DCDC1: variants seen among roughly 807,000 people sequenced by gnomAD.
The protein encoded by DCDC1 is doublecortin domain containing 1, also known as doublecortin domain-containing protein 1.
In DCDC1, 200 loss-of-function variants were observed where a neutral mutation model predicts 178.3. The observed-to-expected ratio is 1.12, with a 90% CI of 1.00 to 1.26. The LOEUF is 1.26. Ranked by LOEUF, DCDC1 falls within the 50% of genes most tolerant of loss-of-function variation. DCDC1 has a pLI of 0.00. For synonymous variants in DCDC1, 690 were observed against 604.8 expected (o/e 1.14, Z -2.07); for missense variants, 1,983 against 1,749.2 (o/e 1.13, Z -2.38).
At chr11:31,267,520 G>A (rs955940699) in intron 7 of DCDC1, among the ~76,000 whole-genome samples, 1 of 152,184 alleles carries the variant, frequency 6.6e-6, no homozygotes, top group Non-Finnish European at 1.5e-5. Context: ...TCTAACTTAT[G>A]AGGAAAAGAT....
intron 18 of DCDC1, among the ~76,000 whole-genome samples, chr11:31,070,321 T>TTTCAACTTTTCTTCCC (rs1268121669): frequency 6.6e-6 from 1 of 152,308 alleles, no homozygotes; most frequent in East Asian, 1.9e-4. Context: ...CTTTTTCTCC[T>TTTCAACTTTTCTTCCC]TTCAACTTTT....
At chr11:30,945,258 C>T (rs1038796182) in intron 21 of DCDC1, among the ~76,000 whole-genome samples, 98 of 151,690 alleles carry the variant, frequency 6.5e-4, no homozygotes, top group African/African-American at 7.3e-5. Context: ...TGAGCCATCG[C>T]GCCTGGCCAA....
chr11:31,096,326 A>G (rs1431967900), intron 15 of DCDC1, among the ~76,000 whole-genome samples: 1 of 152,206 alleles, frequency 6.6e-6, no homozygotes, highest in Admixed American at 6.5e-5. Context: ...CACAGGACTC[A>G]GCATTTAAAG....
At chr11:30,951,077 G>A (rs1948391076) in intron 21 of DCDC1, among the ~76,000 whole-genome samples, 1 of 152,012 alleles carries the variant, frequency 6.6e-6, no homozygotes, top group Admixed American at 6.6e-5. Flanking sequence ...TATTTGAAGA[G>A]TTGATAGGTG....
intron 20 of DCDC1, among the ~76,000 whole-genome samples, chr11:31,000,836 T>C (rs916655294): frequency 1.3e-5 from 2 of 152,120 alleles, no homozygotes; most frequent in African/African-American, 4.8e-5. Context: ...TTTGATATAA[T>C]TTCAAACTTT....
At chr11:31,213,100 C>CCCCTCTCT (rs1972854003) in intron 9 of DCDC1, among the ~76,000 whole-genome samples, 1 of 44,242 alleles carries the variant, frequency 2.3e-5, no homozygotes, top group Non-Finnish European at 4.4e-5. Flanking sequence ...TAAAGCCCAG[C>CCCCTCTCT]CTCTCTCTCT....
At chr11:30,879,600 G>A (rs921629751) in intron 37 of DCDC1, among the ~76,000 whole-genome samples, 13 of 152,150 alleles carry the variant, frequency 8.5e-5, no homozygotes, top group Admixed American at 5.9e-4. Context: ...ACTTTCATAC[G>A]ATGGTAATCT....
chr11:30,924,988 G>C (rs1946503537), intron 23 of DCDC1, among the ~76,000 whole-genome samples: 1 of 151,874 alleles, frequency 6.6e-6, no homozygotes, highest in Non-Finnish European at 1.5e-5. Flanking sequence ...TGGAAGAATT[G>C]CTTGAGCATG....
At chr11:31,330,411 G>A (rs933340865) in intron 2 of DCDC1, among the ~76,000 whole-genome samples, 15 of 152,032 alleles carry the variant, frequency 9.9e-5, no homozygotes, top group Admixed American at 3.9e-4. Flanking sequence ...ATTAGATCCC[G>A]CTTGTCAGTT....
At chr11:31,219,392 T>TA (rs1453687392) in intron 9 of DCDC1, among the ~76,000 whole-genome samples, 1 of 152,108 alleles carries the variant, frequency 6.6e-6, no homozygotes, top group Non-Finnish European at 1.5e-5. Context: ...GCATTTTCAA[T>TA]AAACTAGCCC....
chr11:31,071,908 C>T (rs1258791536), intron 18 of DCDC1, among the ~76,000 whole-genome samples: 1 of 152,172 alleles, frequency 6.6e-6, no homozygotes, highest in African/African-American at 2.4e-5. Flanking sequence ...ATGTTTGCAA[C>T]CTGAGTTAGT....
At chr11:31,011,703 T>C (rs1339909675) in intron 20 of DCDC1, among the ~76,000 whole-genome samples, 1 of 152,172 alleles carries the variant, frequency 6.6e-6, no homozygotes. Context: ...GCTTTATTCA[T>C]AGTAATTCCA....
intron 9 of DCDC1, among the ~76,000 whole-genome samples, chr11:31,162,320 G>T (rs936876419): frequency 1.3e-5 from 2 of 152,060 alleles, no homozygotes; most frequent in African/African-American, 4.8e-5. Flanking sequence ...GTAGTGATTT[G>T]CTTGGAGTTT....
chr11:30,915,077 A>C (rs1039521749), intron 27 of DCDC1, among the ~76,000 whole-genome samples: 1 of 152,188 alleles, frequency 6.6e-6, no homozygotes, highest in Non-Finnish European at 1.5e-5. Context: ...CAAACTGGTT[A>C]TTTTATGAAG....
rs575000083 is a variant in DCDC1, at chr11:31,077,711, ATTGAG to A, written c.2298+149_2298+153del. On this transcript the variant is annotated intron_variant, in intron 18 of 38. Coordinates refer to ENST00000684477, the MANE Select transcript of DCDC1 (RefSeq NM_001387274.1). ...TTAAAAAAAAAAGTTAAAGGAAAGT[ATTGAG>A]TTAAGTTAAATTCTAAATTTCTAGG... is the stretch of plus-strand genomic sequence containing the variant. 2.4e-4 allele frequency among the ~76,000 whole-genome samples: 36 copies of A among 152,324 alleles called. No individual in the cohort carries two copies. In the East Asian group the frequency reaches 6.7e-3, roughly 29 times the overall value.
chr11:31,127,946 T>A (rs1032005420), intron 10 of DCDC1, among the ~76,000 whole-genome samples: 8 of 152,160 alleles, frequency 5.3e-5, no homozygotes, highest in African/African-American at 1.9e-4. Flanking sequence ...AAAGGACTTT[T>A]AAACTGTTTA....
intron 20 of DCDC1, among the ~76,000 whole-genome samples, chr11:31,060,889 C>T (rs980084769): frequency 3.9e-5 from 6 of 151,990 alleles, no homozygotes; most frequent in East Asian, 1.9e-4. Context: ...TATTAAAGCA[C>T]ATTTTAATTG....
intron 9 of DCDC1, among the ~76,000 whole-genome samples, chr11:31,161,231 A>G (rs2136165448): frequency 6.6e-6 from 1 of 152,274 alleles, no homozygotes; most frequent in East Asian, 1.9e-4. Flanking sequence ...GGTTATTAGC[A>G]CTAAACACTG....
intron 9 of DCDC1, among the ~76,000 whole-genome samples, chr11:31,219,360 G>T (rs1447688250): frequency 6.6e-6 from 1 of 152,044 alleles, no homozygotes; most frequent in East Asian, 1.9e-4. Flanking sequence ...AACCTAGCTT[G>T]AGTATCAGAA....
Sources: gnomAD v4.1 joint callset for allele counts (sites outside exome capture counted in the v4.1 genomes callset) on GRCh38, gnomAD v4.1.1 for gene constraint, MANE v1.5 for transcripts, NCBI Gene and HGNC (gene_info 2026-07-23, HGNC 2026-07-21) for gene names.